Variants in PLXDC2 observed in about 807,000 individuals in gnomAD.
PLXDC2 encodes plexin domain containing 2, also known as plexin domain-containing protein 2.
A neutral mutation model predicts 68.9 loss-of-function variants in PLXDC2; 40 were observed. That is an observed-to-expected ratio of 0.58 (90% CI 0.45 to 0.76). PLXDC2 has a LOEUF of 0.76. Among genes scored for constraint, PLXDC2 ranks in the 30% least tolerant of loss-of-function variants. The pLI is 0.00. For synonymous variants in PLXDC2, 243 were observed against 234.2 expected, an observed-to-expected ratio of 1.04 and a Z score of -0.34; for missense variants, 644 against 661.9, an observed-to-expected ratio of 0.97 and a Z score of 0.30.
intron 6 of PLXDC2, among the ~76,000 whole-genome samples, chr10:20,157,152 T>C (rs1030564321): frequency 1.3e-5 from 2 of 152,184 alleles, no homozygotes; most frequent in Admixed American, 1.3e-4. Flanking sequence ...GATACTTAAG[T>C]AAAACGAAGG....
intron 1 of PLXDC2, 70 bp from the exon 2 acceptor site, chr10:20,001,705 C>T (rs933300647): frequency 9.5e-5 from 134 of 1,404,418 alleles, no homozygotes; most frequent in Non-Finnish European, 1.2e-4. Flanking sequence ...TTTTTCTTCT[C>T]GAGCCGATAG....
chr10:20,008,682 A>C (rs545262414), intron 2 of PLXDC2, among the ~76,000 whole-genome samples: 2 of 152,316 alleles, frequency 1.3e-5, no homozygotes, highest in Non-Finnish European at 2.9e-5. Context: ...TGGTTTGGCT[A>C]TGTCCCCACC....
intron 1 of PLXDC2, among the ~76,000 whole-genome samples, chr10:19,987,499 C>G (rs1834660277): frequency 6.6e-6 from 1 of 151,944 alleles, no homozygotes; most frequent in Non-Finnish European, 1.5e-5. Context: ...TTAAGGTACA[C>G]TTGCCATCCT....
intron 12 of PLXDC2, among the ~76,000 whole-genome samples, chr10:20,235,341 A>G (rs1000351231): frequency 3.9e-5 from 6 of 152,242 alleles, no homozygotes; most frequent in African/African-American, 1.4e-4. Flanking sequence ...TCAACAGAAT[A>G]TTAATGAGAG....
intron 1 of PLXDC2, among the ~76,000 whole-genome samples, chr10:19,917,922 G>C (rs899396485): frequency 2.0e-5 from 3 of 152,142 alleles, no homozygotes; most frequent in Non-Finnish European, 1.5e-5. Flanking sequence ...TATTTGCAAA[G>C]TTCACAGCAC....
Position 20,046,874 on chromosome 10 carries a change from T to C in PLXDC2, c.330T>C (p.Asp110=), listed in dbSNP as rs780265466. 1.2e-6 allele frequency: 2 copies of C among 1,608,568 alleles called. No individual in the cohort carries two copies. The highest frequency in any genetic ancestry group is 1.7e-6 in the Non-Finnish European group (2 of 1,177,716). Reference sequence around the variant, plus strand: ...ATTATTATCTATTATTGCAGGAGGATACAGACCACAATTACTATATATCTC... The same window carrying C: ...ATTATTATCTATTATTGCAGGAGGACACAGACCACAATTACTATATATCTC... The part of the protein sequence containing the change: ...GQDNNTQIEE[D]TDHNYYISRI... The change falls in exon 3 of 14, where the codon GAT becomes GAC. Residue 110 remains aspartate (D), a synonymous_variant. Coordinates refer to ENST00000377252, the MANE Select transcript of PLXDC2 (RefSeq NM_032812.9).
chr10:19,842,452 C>G (rs1366133777), intron 1 of PLXDC2, among the ~76,000 whole-genome samples: 1 of 152,124 alleles, frequency 6.6e-6, no homozygotes, highest in African/African-American at 2.4e-5. Flanking sequence ...CCACCCCTGT[C>G]CTTTCATAAG....
At position 20,241,934 on chromosome 10, in the gene PLXDC2, A is replaced by T. The variant is rs1324858888; in HGVS notation, c.1313-3411A>T. 4.6e-5 allele frequency among the ~76,000 whole-genome samples: 7 copies of T among 152,232 alleles called. No individual in the cohort carries two copies. In the East Asian group the frequency reaches 1.4e-3, roughly 29 times the overall value. On this transcript the variant is annotated intron_variant, in intron 12 of 13. Coordinates refer to ENST00000377252, the MANE Select transcript of PLXDC2 (RefSeq NM_032812.9). Reference sequence around the variant, plus strand: ...ATAGAATCAGACACTGGATGGGTGGATAGATGGATGCATGGATGGATGGAT... The same window carrying T: ...ATAGAATCAGACACTGGATGGGTGGTTAGATGGATGCATGGATGGATGGAT...
At chr10:20,235,928 C>T (rs889602224) in intron 12 of PLXDC2, among the ~76,000 whole-genome samples, 1 of 152,242 alleles carries the variant, frequency 6.6e-6, no homozygotes, top group Non-Finnish European at 1.5e-5. Flanking sequence ...ATTCCATAGT[C>T]ACTATGAATA....
At chr10:20,094,379 A>G (rs1307207968) in intron 4 of PLXDC2, among the ~76,000 whole-genome samples, 1 of 152,172 alleles carries the variant, frequency 6.6e-6, no homozygotes, top group Non-Finnish European at 1.5e-5. Context: ...GGTCACACAG[A>G]GAGTTTTCAC....
At chr10:19,935,934 G>A (rs1484507946) in intron 1 of PLXDC2, among the ~76,000 whole-genome samples, 1 of 152,012 alleles carries the variant, frequency 6.6e-6, no homozygotes, top group African/African-American at 2.4e-5. Context: ...ATTCCTAGTA[G>A]ATATCTAAAG....
At chr10:20,152,921 G>A (rs10827972) in intron 6 of PLXDC2, among the ~76,000 whole-genome samples, 44,169 of 151,864 alleles carry the variant, frequency 0.29, 7,067 homozygotes, top group East Asian at 0.52. Flanking sequence ...TTTGGCAGTT[G>A]GTACAGAACA....
At chr10:19,992,504 C>T (rs1834766869) in intron 1 of PLXDC2, among the ~76,000 whole-genome samples, 1 of 152,114 alleles carries the variant, frequency 6.6e-6, no homozygotes, top group African/African-American at 2.4e-5. Context: ...TCAGTGGATG[C>T]TCTGAGTTCT....
intron 1 of PLXDC2, among the ~76,000 whole-genome samples, chr10:19,941,302 C>T (rs1028449522): frequency 2.6e-5 from 4 of 152,158 alleles, no homozygotes; most frequent in Admixed American, 2.6e-4. Flanking sequence ...GATCCCTGAA[C>T]CAAGACGGGC....
intron 7 of PLXDC2, among the ~76,000 whole-genome samples, chr10:20,169,557 C>T (rs1294681308): frequency 6.6e-6 from 1 of 152,148 alleles, no homozygotes; most frequent in Non-Finnish European, 1.5e-5. Flanking sequence ...GTGCCATTTG[C>T]ACTAATTTGT....
At chr10:20,021,096 A>G (rs1292009828) in intron 2 of PLXDC2, among the ~76,000 whole-genome samples, 1 of 152,244 alleles carries the variant, frequency 6.6e-6, no homozygotes. Context: ...AAAAGATGTC[A>G]GATATTATAA....
chr10:19,924,233 C>T (rs1833504555), intron 1 of PLXDC2, among the ~76,000 whole-genome samples: 1 of 152,124 alleles, frequency 6.6e-6, no homozygotes, highest in South Asian at 2.1e-4. Context: ...GAGTTGCCTC[C>T]CATCTCTCAC....
chr10:19,981,955 T>C (rs1431008247), intron 1 of PLXDC2, among the ~76,000 whole-genome samples: 2 of 152,174 alleles, frequency 1.3e-5, no homozygotes, highest in African/African-American at 4.8e-5. Context: ...TCCCTTTTCT[T>C]TGAGCTGGTC....
At chr10:19,950,812 T>C (rs138962623) in intron 1 of PLXDC2, among the ~76,000 whole-genome samples, 1 of 152,050 alleles carries the variant, frequency 6.6e-6, no homozygotes, top group African/African-American at 2.4e-5. Flanking sequence ...CACATAGACC[T>C]ATACAACAGA....
Sources: allele counts gnomAD v4.1 joint callset (sites outside exome capture counted in the v4.1 genomes callset), GRCh38; gene constraint gnomAD v4.1.1; transcripts MANE v1.5; gene names NCBI Gene and HGNC (gene_info 2026-07-23, HGNC 2026-07-21).